Variants in SMIM27 observed in about 807,000 individuals in gnomAD.
SMIM27 encodes TOPORS antisense RNA 1 (non-protein coding).
A neutral mutation model predicts 1.8 loss-of-function variants in SMIM27; 3 were observed. The observed-to-expected ratio is 1.65, with a 90% CI of 0.75 to 4.28. SMIM27 has a LOEUF of 4.28. Among genes scored for constraint, SMIM27 ranks in the 30% most tolerant of loss-of-function variants. SMIM27 has a pLI of 0.02. For synonymous variants in SMIM27, 19 were observed against 13.9 expected (o/e 1.37, Z -0.82); for missense variants, 63 against 37.0 (o/e 1.70, Z -1.83).
chr9:32,565,817 C>G (rs763300166), intron 1 of SMIM27, among the ~76,000 whole-genome samples: 11 of 152,036 alleles, frequency 7.2e-5, no homozygotes, highest in Non-Finnish European at 1.3e-4. Flanking sequence ...ACTAAAAATA[C>G]AAAAATTAGC....
intron 1 of SMIM27, among the ~76,000 whole-genome samples, chr9:32,561,299 C>T (rs1031903470): frequency 3.9e-5 from 6 of 151,946 alleles, no homozygotes; most frequent in Admixed American, 3.9e-4. Flanking sequence ...ACTGCCATGG[C>T]AGCACACGCT....
chr9:32,563,941 A>C (rs1322163093), intron 1 of SMIM27, among the ~76,000 whole-genome samples: 1 of 152,180 alleles, frequency 6.6e-6, no homozygotes, highest in Non-Finnish European at 1.5e-5. Context: ...CTGGCACAAT[A>C]ATATGTTCCA....
downstream of SMIM27, among the ~76,000 whole-genome samples, chr9:32,555,591 C>T (rs755574823): frequency 4.6e-5 from 7 of 152,214 alleles, no homozygotes; most frequent in Non-Finnish European, 8.8e-5. Flanking sequence ...TCTTTTCATG[C>T]TTCTAAATGT....
At chr9:32,553,994 T>TGATA, downstream of SMIM27, 2 of 1,182,440 alleles carry the variant, frequency 1.7e-6, no homozygotes, top group Non-Finnish European at 2.5e-6. Flanking sequence ...TCTACAGAGG[T>TGATA]GATAGTTCTA....
At chr9:32,559,000 C>A in intron 1 of SMIM27, 1 of 1,403,154 alleles carries the variant, frequency 7.1e-7, no homozygotes, top group Non-Finnish European at 9.9e-7. Flanking sequence ...TTAAGAGTTT[C>A]TTCTGAAAAT....
At chr9:32,552,302 G>T, upstream of SMIM27, 1 of 1,338,722 alleles carries the variant, frequency 7.5e-7, no homozygotes, top group Non-Finnish European at 1.0e-6. Flanking sequence ...CGACAGCGCT[G>T]CACGAAGCGA....
At chr9:32,561,854 A>T (rs1821635998) in intron 1 of SMIM27, among the ~76,000 whole-genome samples, 2 of 152,142 alleles carry the variant, frequency 1.3e-5, no homozygotes, top group South Asian at 4.1e-4. Context: ...CTCAACTGAC[A>T]TCTACTAAAA....
intron 1 of SMIM27, among the ~76,000 whole-genome samples, chr9:32,560,469 C>T (rs1821594907): frequency 6.6e-6 from 1 of 152,168 alleles, no homozygotes. Context: ...GTGAATGTGT[C>T]AACTTTTAAA....
At chr9:32,552,075 A>G (rs902276989), upstream of SMIM27, among the ~76,000 whole-genome samples, 6 of 151,862 alleles carry the variant, frequency 4.0e-5, no homozygotes, top group African/African-American at 1.5e-4. Flanking sequence ...TGTTTTTCAA[A>G]TTAACTTTTA....
In SMIM27 at chr9:32,552,978, A is replaced by G. The variant is rs1821340493; in HGVS notation, c.*55A>G. ...AGTTCTTTCCCTCATGCTTATGTAG[A>G]TATAAAAATAAAATTCATAATGCAA... is the stretch of plus-strand genomic sequence containing the variant. On this transcript the variant is annotated 3_prime_UTR_variant, in exon 2 of 2. Coordinates refer to ENST00000692500, the MANE Select transcript of SMIM27 (RefSeq NM_001387564.1). 1 of 622,906 alleles carries G rather than the reference A, an allele frequency of 1.6e-6. No individual in the cohort carries two copies. Among genetic ancestry groups the G allele is most frequent in the Admixed American group, 2.9e-5 (1 of 34,848 alleles). The allele number at this position is 622,906 out of a possible 1,614,324, so 38.6% of individuals were successfully genotyped here.
At chr9:32,559,053 T>G (rs1821555642) in intron 1 of SMIM27, 2 of 745,418 alleles carry the variant, frequency 2.7e-6, no homozygotes, top group East Asian at 5.2e-5. Flanking sequence ...AGCTCCAAAC[T>G]TTCACAGAAC....
downstream of SMIM27, among the ~76,000 whole-genome samples, chr9:32,557,147 C>G (rs1383852998): frequency 1.4e-5 from 2 of 145,296 alleles, no homozygotes; most frequent in East Asian, 2.0e-4. Flanking sequence ...TGTTAGCCAC[C>G]GCGCCTGGCC....
intron 1 of SMIM27, chr9:32,558,953 T>G: frequency 6.3e-7 from 1 of 1,581,678 alleles, no homozygotes; most frequent in Non-Finnish European, 8.7e-7. Context: ...ATATGGTTTT[T>G]CCTGTAATAA....
At chr9:32,555,987 A>C (rs1821445320), downstream of SMIM27, among the ~76,000 whole-genome samples, 1 of 152,250 alleles carries the variant, frequency 6.6e-6, no homozygotes, top group Admixed American at 6.5e-5. Flanking sequence ...GGACAAGGAT[A>C]CAGTTAACTT....
At chr9:32,557,407 G>C (rs987066559), downstream of SMIM27, among the ~76,000 whole-genome samples, 1 of 148,744 alleles carries the variant, frequency 6.7e-6, no homozygotes, top group Non-Finnish European at 1.5e-5. Flanking sequence ...AGCCTCAAGG[G>C]ATCCACCCAC....
downstream of SMIM27, among the ~76,000 whole-genome samples, chr9:32,554,254 C>T (rs1821391639): frequency 6.6e-6 from 1 of 152,096 alleles, no homozygotes; most frequent in African/African-American, 2.4e-5. Flanking sequence ...AATGGAGGCC[C>T]CAGAAAGAAG....
At chr9:32,558,181 G>A (rs1821524540) in intron 1 of SMIM27, among the ~76,000 whole-genome samples, 2 of 149,464 alleles carry the variant, frequency 1.3e-5, no homozygotes, top group South Asian at 2.1e-4. Flanking sequence ...GCGCAACCTC[G>A]GCTCACTGCA....
downstream of SMIM27, among the ~76,000 whole-genome samples, chr9:32,557,023 T>C: frequency 6.7e-6 from 1 of 150,282 alleles, no homozygotes; most frequent in East Asian, 2.0e-4. Flanking sequence ...AGCTAATTTT[T>C]GTATTTTTAT....
downstream of SMIM27, chr9:32,553,079 A>AT (rs751421290): frequency 1.9e-6 from 1 of 516,122 alleles, no homozygotes; most frequent in Non-Finnish European, 3.4e-6. Flanking sequence ...AGATTTTAGT[A>AT]TTTTACATTC....
Sources: gnomAD v4.1 joint callset for allele counts (sites outside exome capture counted in the v4.1 genomes callset) on GRCh38, gnomAD v4.1.1 for gene constraint, MANE v1.5 for transcripts, NCBI Gene and HGNC (gene_info 2026-07-23, HGNC 2026-07-21) for gene names.